Variants in PPM1L observed in about 807,000 individuals in gnomAD.
PPM1L encodes the protein protein phosphatase 1L.
In PPM1L, 13 loss-of-function variants were observed where a neutral mutation model predicts 31.4. That is an observed-to-expected ratio of 0.41 (90% CI 0.27 to 0.66). The LOEUF is 0.66. Among genes scored for constraint, PPM1L ranks in the 30% least tolerant of loss-of-function variants. The pLI, the probability that PPM1L is intolerant of heterozygous loss-of-function variation, is 0.29. For missense variants in PPM1L, 326 were observed against 453.7 expected, an observed-to-expected ratio of 0.72 and a Z score of 2.56; for synonymous variants, 184 against 175.4, an observed-to-expected ratio of 1.05 and a Z score of -0.39.
chr3:160,800,347 TTA>T (rs1236673595), intron 1 of PPM1L, among the ~76,000 whole-genome samples: 1 of 152,236 alleles, frequency 6.6e-6, no homozygotes, highest in African/African-American at 2.4e-5. Flanking sequence ...TATGTTCTAC[TTA>T]TATCAATTCT....
In PPM1L at chr3:161,025,078, C is replaced by T. The variant is rs140172306; in HGVS notation, c.575-40325C>T. ...ATTTTTTCCAGTGTTCTCATAGTTT[C>T]GTGGAAGAGCAGACTTTTGGAAGTG... On this transcript the variant is annotated intron_variant, in intron 2 of 3. Coordinates refer to ENST00000498165, the MANE Select transcript of PPM1L (RefSeq NM_139245.4). Among the ~76,000 whole-genome samples, 124 of 152,240 alleles carry T rather than the reference C, an allele frequency of 8.1e-4. No individual in the cohort carries two copies. In the East Asian group the frequency reaches 0.018, roughly 22 times the overall value.
Position 161,058,248 on chromosome 3 carries a change from C to T in PPM1L, c.575-7155C>T, listed in dbSNP as rs781757147. ...CAAGCAATTCTCCTGCCTCAGCCTCCGGAGTAACTGGGATTACAGGCATGT... is the reference window on the plus strand; with the variant it reads ...CAAGCAATTCTCCTGCCTCAGCCTCTGGAGTAACTGGGATTACAGGCATGT... On this transcript the variant is annotated intron_variant, in intron 2 of 3. Coordinates refer to ENST00000498165, the MANE Select transcript of PPM1L (RefSeq NM_139245.4). Among the ~76,000 whole-genome samples, 13 of 150,660 alleles carry T rather than the reference C, an allele frequency of 8.6e-5. No individual in the cohort carries two copies. The South Asian group carries it at 1.1e-3, about 12-fold the overall frequency.
chr3:160,912,907 A>G (rs1714023844), intron 1 of PPM1L, among the ~76,000 whole-genome samples: 1 of 152,158 alleles, frequency 6.6e-6, no homozygotes. Context: ...GGCTGTAGGA[A>G]GTGATGAAGA....
At chr3:160,877,445 GC>G (rs1712554331) in intron 1 of PPM1L, among the ~76,000 whole-genome samples, 8 of 152,284 alleles carry the variant, frequency 5.3e-5, no homozygotes, top group Admixed American at 3.3e-4. Context: ...TTCCAGTTAT[GC>G]CCAGCTCATA....
intron 2 of PPM1L, among the ~76,000 whole-genome samples, chr3:161,031,317 T>G (rs753574798): frequency 6.6e-6 from 1 of 152,198 alleles, no homozygotes; most frequent in Non-Finnish European, 1.5e-5. Flanking sequence ...CAAACAATTG[T>G]TGAGCAACAA....
At chr3:160,853,121 C>T (rs1711578740) in intron 1 of PPM1L, among the ~76,000 whole-genome samples, 1 of 152,156 alleles carries the variant, frequency 6.6e-6, no homozygotes, top group Admixed American at 6.5e-5. Flanking sequence ...GGTCACATTG[C>T]TTCCTCCTCT....
intron 1 of PPM1L, among the ~76,000 whole-genome samples, chr3:160,911,357 TCAAC>T (rs1397396533): frequency 1.3e-5 from 2 of 152,178 alleles, no homozygotes; most frequent in Non-Finnish European, 2.9e-5. Context: ...TCACCAATCC[TCAAC>T]CATAGCTGTC....
At chr3:160,933,966 G>A (rs748473514) in intron 1 of PPM1L, among the ~76,000 whole-genome samples, 1 of 152,222 alleles carries the variant, frequency 6.6e-6, no homozygotes, top group Non-Finnish European at 1.5e-5. Flanking sequence ...ATTACCATAT[G>A]TCATTAATCC....
chr3:160,936,466 T>C (rs982976963), intron 1 of PPM1L, among the ~76,000 whole-genome samples: 2 of 152,184 alleles, frequency 1.3e-5, no homozygotes, highest in Non-Finnish European at 2.9e-5. Flanking sequence ...AGCAATCTAA[T>C]GTTGTGAAGA....
chr3:160,958,624 G>T (rs1407036300), intron 1 of PPM1L, among the ~76,000 whole-genome samples: 1 of 152,178 alleles, frequency 6.6e-6, no homozygotes, highest in East Asian at 1.9e-4. Flanking sequence ...GCACAAATGT[G>T]CTGAGTCCAT....
intron 1 of PPM1L, among the ~76,000 whole-genome samples, chr3:160,940,443 GA>G (rs770569251): frequency 6.6e-6 from 1 of 152,138 alleles, no homozygotes. Flanking sequence ...GGCCCGGGAG[GA>G]AAAAGTGGTT....
At position 160,784,580 on chromosome 3, in the gene PPM1L, T is replaced by C. The variant is rs186952862; in HGVS notation, c.399+27873T>C. 3.2e-4 allele frequency among the ~76,000 whole-genome samples: 49 copies of C among 152,354 alleles called. 1 individual carries two copies. In the East Asian group the frequency reaches 8.5e-3, roughly 26 times the overall value. ...AAAACAGAGAAGAATTTGTAGGCTT[T>C]AAAGTTTACCTTGTGAGTTTAACAA... On this transcript the variant is annotated intron_variant, in intron 1 of 3. Transcript: ENST00000498165.
chr3:161,067,375 T>G (rs759842330), intron 3 of PPM1L, among the ~76,000 whole-genome samples: 33 of 152,224 alleles, frequency 2.2e-4, no homozygotes, highest in Non-Finnish European at 4.3e-4. Flanking sequence ...AAACAGTGAT[T>G]GGTTTTACCA....
intron 1 of PPM1L, among the ~76,000 whole-genome samples, chr3:160,886,362 C>T (rs1008406253): frequency 1.3e-5 from 2 of 152,180 alleles, no homozygotes; most frequent in South Asian, 2.1e-4. Flanking sequence ...CAAAGTGCTT[C>T]GTTAAATGGG....
chr3:160,811,871 C>T (rs1712818529), intron 1 of PPM1L, among the ~76,000 whole-genome samples: 1 of 152,184 alleles, frequency 6.6e-6, no homozygotes, highest in Non-Finnish European at 1.5e-5. Context: ...CTGTGGGCAG[C>T]TGTAAAAACG....
At chr3:160,876,104 A>G (rs968332510) in intron 1 of PPM1L, among the ~76,000 whole-genome samples, 7 of 152,182 alleles carry the variant, frequency 4.6e-5, no homozygotes, top group Admixed American at 1.3e-4. Context: ...TCTTTCATCA[A>G]TTCCTTAAAT....
chr3:160,852,772 G>T (rs1458438221), intron 1 of PPM1L, among the ~76,000 whole-genome samples: 1 of 152,120 alleles, frequency 6.6e-6, no homozygotes, highest in Non-Finnish European at 1.5e-5. Context: ...AGGTACTTCA[G>T]GTCATTTACT....
At chr3:160,933,886 A>G (rs914561326) in intron 1 of PPM1L, among the ~76,000 whole-genome samples, 6 of 152,214 alleles carry the variant, frequency 3.9e-5, no homozygotes, top group African/African-American at 1.4e-4. Flanking sequence ...TATCTTTAAT[A>G]AAAGTGCCTC....
chr3:160,835,047 T>TTCCTCTTCTTCTTCC (rs879762612), intron 1 of PPM1L, among the ~76,000 whole-genome samples: 1 of 146,090 alleles, frequency 6.8e-6, no homozygotes, highest in African/African-American at 2.5e-5. Context: ...CTACTTCTTC[T>TTCCTCTTCTTCTTCC]TCTTCTTCTT....
Sources: gnomAD v4.1 joint callset for allele counts (sites outside exome capture counted in the v4.1 genomes callset) on GRCh38, gnomAD v4.1.1 for gene constraint, MANE v1.5 for transcripts, NCBI Gene and HGNC (gene_info 2026-07-23, HGNC 2026-07-21) for gene names.